NEO1: variants seen among roughly 807,000 people sequenced by gnomAD.
The protein encoded by NEO1 is neogenin.
In NEO1, 63 loss-of-function variants were observed where a neutral mutation model predicts 159.7. That is an observed-to-expected ratio of 0.39 (90% confidence interval 0.32 to 0.49). NEO1 has a LOEUF of 0.49. Ranked by LOEUF, NEO1 falls within the 20% of genes least tolerant of loss-of-function variation. The pLI, the probability that NEO1 is intolerant of heterozygous loss-of-function variation, is 0.85. For missense variants in NEO1, 1,615 were observed against 1,831.0 expected, an observed-to-expected ratio of 0.88 and a Z score of 2.15; for synonymous variants, 633 against 662.0, an observed-to-expected ratio of 0.96 and a Z score of 0.67.
intron 9 of NEO1, 73 bp downstream of exon 9, chr15:73,244,571 G>A: frequency 6.6e-7 from 1 of 1,514,946 alleles, no homozygotes; most frequent in Non-Finnish European, 9.0e-7. Context: ...GTTTAGCCTT[G>A]CACACCATAG....
At chr15:73,290,064 G>A (rs1026926214) in intron 25 of NEO1, among the ~76,000 whole-genome samples, 10 of 152,092 alleles carry the variant, frequency 6.6e-5, no homozygotes, top group South Asian at 2.1e-4. Flanking sequence ...TGAACCCAGC[G>A]TTTAAGGTTG....
At chr15:73,227,379 C>G (rs942751519) in intron 7 of NEO1, among the ~76,000 whole-genome samples, 1 of 152,098 alleles carries the variant, frequency 6.6e-6, no homozygotes, top group African/African-American at 2.4e-5. Context: ...GCCTATAATC[C>G]CAGCTACCCG....
Position 73,296,412 on chromosome 15 carries a change from C to T in NEO1, c.3902-1936C>T, listed in dbSNP as rs540812059. Among the ~76,000 whole-genome samples, 173 of 152,242 alleles carry T rather than the reference C, an allele frequency of 1.1e-3. 1 individual carries two copies. Among genetic ancestry groups the T allele is most frequent in the African/African-American group, 3.9e-3 (160 of 41,532 alleles). Reference sequence around the variant, plus strand: ...AGCCTAAGAAGATCCTCAGCACACCCCTTTAAGGGGTGAGGAGTGACCTAA... The same window carrying T: ...AGCCTAAGAAGATCCTCAGCACACCTCTTTAAGGGGTGAGGAGTGACCTAA... On this transcript the variant is annotated intron_variant, in intron 26 of 28. Transcript: ENST00000261908.
intron 18 of NEO1, among the ~76,000 whole-genome samples, chr15:73,270,789 G>C (rs1449200957): frequency 6.6e-6 from 1 of 152,210 alleles, no homozygotes; most frequent in African/African-American, 2.4e-5. Context: ...CTTGGAGCCT[G>C]AACACTTTGC....
intron 7 of NEO1, among the ~76,000 whole-genome samples, chr15:73,189,040 A>G (rs1830134118): frequency 6.6e-6 from 1 of 152,142 alleles, no homozygotes; most frequent in Admixed American, 6.5e-5. Flanking sequence ...TCGAGGCTTC[A>G]ATGAGCTGTG....
At chr15:73,098,524 T>C (rs962674604) in intron 1 of NEO1, among the ~76,000 whole-genome samples, 1 of 152,172 alleles carries the variant, frequency 6.6e-6, no homozygotes, top group Non-Finnish European at 1.5e-5. Flanking sequence ...TCTCCAAACT[T>C]ACTTGTTTTC....
At chr15:73,216,849 A>G (rs2037917698) in intron 7 of NEO1, among the ~76,000 whole-genome samples, 1 of 152,160 alleles carries the variant, frequency 6.6e-6, no homozygotes, top group Admixed American at 6.5e-5. Context: ...AGATGAGTAG[A>G]TTGAGAAAAT....
chr15:73,301,368 C>G lies in NEO1; in HGVS notation c.4213C>G (p.Leu1405Val). 6.2e-7 allele frequency: 1 copy of G among 1,614,170 alleles called. No individual in the cohort carries two copies. Among genetic ancestry groups the G allele is most frequent in the South Asian group, 1.1e-5 (1 of 91,080 alleles). ...HSVKTASIGT[L>V]GRSRPPMPVV... Reference sequence around the variant, plus strand: ...AGTGAAGACAGCCTCCATCGGGACTCTAGGAAGGAGCCGGCCTCCTATGCC... The same window carrying G: ...AGTGAAGACAGCCTCCATCGGGACTGTAGGAAGGAGCCGGCCTCCTATGCC... Residue 1405 changes from leucine (L) to valine (V), a missense_variant, in exon 28 of 29, where the codon CTA becomes GTA. This residue lies in a region of NEO1 where 471 missense variants were observed against 498.9 expected (regional missense o/e 0.94). Transcript: ENST00000261908.
intron 1 of NEO1, among the ~76,000 whole-genome samples, chr15:73,084,910 A>G (rs1036506521): frequency 6.6e-6 from 1 of 152,076 alleles, no homozygotes; most frequent in East Asian, 1.9e-4. Flanking sequence ...TTATTCAACA[A>G]CTGCCTTGTT....
intron 5 of NEO1, among the ~76,000 whole-genome samples, chr15:73,139,894 T>G (rs1014658954): frequency 6.6e-6 from 1 of 152,222 alleles, no homozygotes. Context: ...ATTTACTGTC[T>G]GGCTCTTTAC....
At chr15:73,161,282 G>C (rs2034158227) in intron 5 of NEO1, among the ~76,000 whole-genome samples, 1 of 152,178 alleles carries the variant, frequency 6.6e-6, no homozygotes, top group African/African-American at 2.4e-5. Flanking sequence ...TTTGGTGTAA[G>C]AAATGAGATA....
At chr15:73,061,589 A>G (rs1459880399) in intron 1 of NEO1, among the ~76,000 whole-genome samples, 2 of 152,206 alleles carry the variant, frequency 1.3e-5, no homozygotes, top group African/African-American at 2.4e-5. Flanking sequence ...GATTGCTAAA[A>G]TATGTATGTG....
Position 73,239,621 on chromosome 15 carries a change from G to A in NEO1, c.1451+3115G>A, listed in dbSNP as rs532999120. ...CCATTGTGTTCGCATTGCCTACAGCGTTCAGTACAGTAACATGCTGTGCAG... is the reference window on the plus strand; with the variant it reads ...CCATTGTGTTCGCATTGCCTACAGCATTCAGTACAGTAACATGCTGTGCAG... On this transcript the variant is annotated intron_variant, in intron 8 of 28. Coordinates refer to ENST00000261908, the MANE Select transcript of NEO1 (RefSeq NM_002499.4). Among the ~76,000 whole-genome samples, 8 of 152,262 alleles carry A rather than the reference G, an allele frequency of 5.3e-5. No homozygotes were observed. In the East Asian group the frequency reaches 5.8e-4, roughly 11 times the overall value.
At chr15:73,177,068 G>A (rs1170567335) in intron 6 of NEO1, among the ~76,000 whole-genome samples, 1 of 152,028 alleles carries the variant, frequency 6.6e-6, no homozygotes, top group Non-Finnish European at 1.5e-5. Flanking sequence ...ACCCAGTGTC[G>A]GACAATTGTG....
chr15:73,262,164 G>A (rs2040646608), intron 15 of NEO1, among the ~76,000 whole-genome samples: 1 of 152,170 alleles, frequency 6.6e-6, no homozygotes, highest in South Asian at 2.1e-4. Flanking sequence ...AACAATTCTA[G>A]AAGAAAGTGT....
chr15:73,131,316 T>A (rs1007520781), intron 4 of NEO1, among the ~76,000 whole-genome samples: 2 of 152,132 alleles, frequency 1.3e-5, no homozygotes, highest in African/African-American at 4.8e-5. Flanking sequence ...ATAAACACAT[T>A]TGAAGCAAAT....
Position 73,289,189 on chromosome 15 carries a change from A to G in NEO1, c.3693A>G (p.Arg1231=), listed in dbSNP as rs1596613581. 1.2e-6 allele frequency: 2 copies of G among 1,614,124 alleles called. No individual in the cohort carries two copies. The highest frequency in any genetic ancestry group is 2.2e-5 in the South Asian group (2 of 91,068). Residue 1231 remains arginine, a synonymous_variant, in exon 25 of 29, where the codon CGA becomes CGG. Coordinates refer to ENST00000261908, the MANE Select transcript of NEO1 (RefSeq NM_002499.4). ...GCATGTCTACACTGGCTGGAAGGCG[A>G]GGAATGAGACCAAAAATGATGATGC... ...EDSMSTLAGR[R]GMRPKMMMPF...
chr15:73,100,989 C>T (rs907564713), intron 1 of NEO1, among the ~76,000 whole-genome samples: 51 of 152,338 alleles, frequency 3.3e-4, no homozygotes, highest in Non-Finnish European at 5.9e-5. Context: ...CTAACTACCA[C>T]CAGACCTACT....
chr15:73,230,005 G>A (rs902665745), intron 7 of NEO1, among the ~76,000 whole-genome samples: 9 of 152,006 alleles, frequency 5.9e-5, no homozygotes, highest in Admixed American at 3.9e-4. Flanking sequence ...TTCATGTGTC[G>A]TGTTTCTTTC....
Sources: gnomAD v4.1 joint callset for allele counts (sites outside exome capture counted in the v4.1 genomes callset) on GRCh38, gnomAD v4.1.1 for gene constraint, gnomAD v4.1.1 regional missense constraint, MANE v1.5 for transcripts, NCBI Gene and HGNC (gene_info 2026-07-23, HGNC 2026-07-21) for gene names.